Variants in PDE4D observed in about 807,000 individuals in gnomAD.
PDE4D encodes the protein phosphodiesterase 4D.
Under a neutral mutation model 87.4 loss-of-function variants are expected in PDE4D, and 24 were observed. That is an observed-to-expected ratio of 0.27 (90% confidence interval 0.20 to 0.39). The LOEUF (loss-of-function observed/expected upper bound fraction) is 0.39, where lower values mean the gene tolerates loss of function less well. Among genes scored for constraint, PDE4D ranks in the 10% least tolerant of loss-of-function variants. The probability of loss-of-function intolerance (pLI) is 1.00; values close to 1 mark genes in which losing one functional copy is unlikely to be tolerated. For missense variants in PDE4D, 714 were observed against 1,041.0 expected, an observed-to-expected ratio of 0.69 and a Z score of 4.32; for synonymous variants, 384 against 383.2, an observed-to-expected ratio of 1.00 and a Z score of -0.02.
At chr5:59,529,830 T>C (rs763464626) in intron 1 of PDE4D, among the ~76,000 whole-genome samples, 8 of 152,200 alleles carry the variant, frequency 5.3e-5, no homozygotes, top group African/African-American at 7.2e-5. Context: ...AAATAGCTTT[T>C]CAAAATATGA....
chr5:60,355,164 T>G (rs1759513584), intron 1 of PDE4D, among the ~76,000 whole-genome samples: 1 of 152,130 alleles, frequency 6.6e-6, no homozygotes, highest in South Asian at 2.1e-4. Flanking sequence ...ACTGTAAAAA[T>G]CCTGTAAAAA....
intron 1 of PDE4D, among the ~76,000 whole-genome samples, chr5:59,709,723 A>G (rs1753934847): frequency 6.6e-6 from 1 of 152,166 alleles, no homozygotes; most frequent in Non-Finnish European, 1.5e-5. Flanking sequence ...GAGGAGACCA[A>G]AGGGAGTAGA....
intron 2 of PDE4D, among the ~76,000 whole-genome samples, chr5:60,137,548 GA>G (rs1382605784): frequency 6.6e-6 from 1 of 151,762 alleles, no homozygotes. Context: ...AAAGATCAGT[GA>G]TTTTTTTTTT....
chr5:59,496,523 C>A (rs73097370), intron 1 of PDE4D, among the ~76,000 whole-genome samples: 12,163 of 152,112 alleles, frequency 0.08, 1,535 homozygotes, highest in African/African-American at 0.27. Flanking sequence ...CAGTCGGCTT[C>A]CTTGTTCAGT....
At chr5:60,117,354 T>C (rs1778260997) in intron 2 of PDE4D, among the ~76,000 whole-genome samples, 1 of 152,008 alleles carries the variant, frequency 6.6e-6, no homozygotes, top group African/African-American at 2.4e-5. Context: ...TATTCCAGAT[T>C]ACCACTCACA....
intron 1 of PDE4D, among the ~76,000 whole-genome samples, chr5:59,376,019 GTA>G (rs1784665068): frequency 6.6e-6 from 1 of 152,064 alleles, no homozygotes; most frequent in African/African-American, 2.4e-5. Flanking sequence ...AATAAACTAG[GTA>G]TTGAAGGAAC....
At chr5:59,421,029 A>G (rs1234311424) in intron 1 of PDE4D, among the ~76,000 whole-genome samples, 1 of 152,208 alleles carries the variant, frequency 6.6e-6, no homozygotes, top group Non-Finnish European at 1.5e-5. Context: ...TGAATTAAAA[A>G]TCAATGAGTA....
At chr5:59,836,618 G>GTATC (rs6149046) in intron 1 of PDE4D, among the ~76,000 whole-genome samples, 42,921 of 140,296 alleles carry the variant, frequency 0.31, 6,144 homozygotes, top group African/African-American at 0.33. Flanking sequence ...CTTCCAAGAT[G>GTATC]TATCTATCTA....
intron 3 of PDE4D, among the ~76,000 whole-genome samples, chr5:59,976,831 C>T (rs1264765036): frequency 6.6e-6 from 1 of 152,056 alleles, no homozygotes; most frequent in Non-Finnish European, 1.5e-5. Context: ...TGAACTTTTT[C>T]ATTATTATTA....
chr5:59,224,387 A>T (rs1022050271), intron 1 of PDE4D, among the ~76,000 whole-genome samples: 65 of 152,178 alleles, frequency 4.3e-4, no homozygotes, highest in African/African-American at 1.5e-3. Flanking sequence ...GTGGTACTGG[A>T]AATATACAAC....
intron 1 of PDE4D, among the ~76,000 whole-genome samples, chr5:59,373,885 T>C (rs948134140): frequency 1.3e-5 from 2 of 152,112 alleles, no homozygotes; most frequent in African/African-American, 4.8e-5. Context: ...TCACAATTCT[T>C]AAAAAGAAAT....
intron 2 of PDE4D, among the ~76,000 whole-genome samples, chr5:60,128,426 G>C (rs1035661035): frequency 6.6e-6 from 1 of 152,148 alleles, no homozygotes; most frequent in Non-Finnish European, 1.5e-5. Flanking sequence ...ACATGTAGAT[G>C]TAAGGTAAAT....
chr5:59,205,900 T>C (rs1195728419), intron 2 of PDE4D, among the ~76,000 whole-genome samples: 1 of 152,150 alleles, frequency 6.6e-6, no homozygotes, highest in Non-Finnish European at 1.5e-5. Flanking sequence ...ACAACATCAT[T>C]TACTGAACTG....
At position 59,520,990 on chromosome 5, in the gene PDE4D, C is replaced by T. The variant is rs538943907; in HGVS notation, c.456-305022G>A. Among the ~76,000 whole-genome samples the T allele has an allele frequency of 9.9e-5, 15 of 151,536 alleles. No homozygotes were observed. The South Asian group carries it at 2.3e-3, about 23-fold the overall frequency. On this transcript the variant is annotated intron_variant, in intron 1 of 14. Transcript: ENST00000340635. The stretch of plus-strand genomic sequence containing the variant: ...TCAATTTCAAAGACTGGAATAGAAA[C>T]GTTCCTATAGATATACAAGGATCAT...
At chr5:59,521,837 A>G (rs1812305094) in intron 1 of PDE4D, among the ~76,000 whole-genome samples, 2 of 152,312 alleles carry the variant, frequency 1.3e-5, no homozygotes, top group African/African-American at 4.8e-5. Flanking sequence ...TAGATCTGTC[A>G]CCCCAGAATG....
At position 59,739,435 on chromosome 5, in the gene PDE4D, A is replaced by G. The variant is rs548594490; in HGVS notation, c.455+153733T>C. 2.3e-3 allele frequency among the ~76,000 whole-genome samples: 349 copies of G among 152,228 alleles called. 1 individual carries two copies. The highest frequency in any genetic ancestry group is 7.8e-3 in the African/African-American group (326 of 41,546). On this transcript the variant is annotated intron_variant, in intron 1 of 14. Transcript: ENST00000340635. ...ACTCTGTGTCAAAACAACAACAACA[A>G]CAGCAACAACAACAAAGACAGGAAA...
chr5:60,180,956 G>A (rs531922366), intron 2 of PDE4D, among the ~76,000 whole-genome samples: 1 of 152,228 alleles, frequency 6.6e-6, no homozygotes, highest in South Asian at 2.1e-4. Context: ...CGTAGCTTAG[G>A]TGGGGTTGAA....
At chr5:59,298,788 A>T (rs1235052560) in intron 1 of PDE4D, among the ~76,000 whole-genome samples, 1 of 152,318 alleles carries the variant, frequency 6.6e-6, no homozygotes, top group Non-Finnish European at 1.5e-5. Flanking sequence ...AAAAAAATTT[A>T]AATTTCCCCC....
intron 1 of PDE4D, among the ~76,000 whole-genome samples, chr5:60,349,832 G>A (rs1386645031): frequency 6.6e-6 from 1 of 152,038 alleles, no homozygotes; most frequent in Admixed American, 6.6e-5. Flanking sequence ...TTTAAGGGTG[G>A]CAAAAATATA....
Sources: allele counts gnomAD v4.1 joint callset (sites outside exome capture counted in the v4.1 genomes callset), GRCh38; gene constraint gnomAD v4.1.1; transcripts MANE v1.5; gene names NCBI Gene and HGNC (gene_info 2026-07-23, HGNC 2026-07-21).